Variants in PKD2 observed in about 807,000 individuals in gnomAD.
The protein encoded by PKD2 is polycystin-2.
Under a neutral mutation model 105.9 loss-of-function variants are expected in PKD2, and 48 were observed. The observed-to-expected ratio is 0.45, with a 90% CI of 0.36 to 0.58. PKD2 has a LOEUF of 0.58. PKD2 is among the 20% of genes least tolerant of loss of function. The probability of loss-of-function intolerance (pLI) is 0.00; values close to 1 mark genes in which losing one functional copy is unlikely to be tolerated. For missense variants in PKD2, 1,078 were observed against 1,255.3 expected (o/e 0.86, Z 2.13); for synonymous variants, 464 against 481.1 (o/e 0.96, Z 0.46).
intron 13 of PKD2, 35 bp downstream of exon 13, chr4:88,068,096 C>T: frequency 6.5e-7 from 1 of 1,543,882 alleles, no homozygotes; most frequent in Non-Finnish European, 9.0e-7. Flanking sequence ...TTTGCGTTGA[C>T]AAGAGTCCAC....
At chr4:88,050,438 A>T (rs1720025487) in intron 6 of PKD2, among the ~76,000 whole-genome samples, 1 of 152,180 alleles carries the variant, frequency 6.6e-6, no homozygotes, top group South Asian at 2.1e-4. Flanking sequence ...TGAGAATCCC[A>T]CAGAAAACTC....
chr4:88,052,466 CATT>C (rs1257013605), intron 7 of PKD2, among the ~76,000 whole-genome samples: 1 of 152,098 alleles, frequency 6.6e-6, no homozygotes, highest in Non-Finnish European at 1.5e-5. Context: ...GACAAGGTCT[CATT>C]ATGTTGCCCA....
At position 88,064,849 on chromosome 4, in the gene PKD2, G is replaced by A. The variant is rs140465648; in HGVS notation, c.2119-525G>A. Among the ~76,000 whole-genome samples, 186 of 152,162 alleles carry A rather than the reference G, an allele frequency of 1.2e-3. 1 individual carries two copies. Among genetic ancestry groups the A allele is most frequent in the African/African-American group, 3.9e-3 (164 of 41,520 alleles). On this transcript the variant is annotated intron_variant, in intron 10 of 14. Transcript: ENST00000237596. ...CGAGGCTGCAGTGAGCCAGAATCAC[G>A]CCACTGCCCTTCTGCCTGGGTGACA...
chr4:88,015,294 G>A (rs979992605), intron 1 of PKD2, among the ~76,000 whole-genome samples: 2 of 152,190 alleles, frequency 1.3e-5, no homozygotes, highest in Non-Finnish European at 2.9e-5. Context: ...CATCAGATGG[G>A]TGAGGATGTA....
chr4:88,057,299 T>G lies in PKD2; in HGVS notation c.1899-684T>G, dbSNP rs558478995. Among the ~76,000 whole-genome samples the G allele has an allele frequency of 5.3e-3, 814 of 152,182 alleles. 1 individual carries two copies. The highest frequency in any genetic ancestry group is 9.4e-3 in the Non-Finnish European group (638 of 67,980). ...AGCCACCACACCAGGCCCTGTTGTTTTTTTTTTAAAGAAATTTTTAACTTT... is the reference window on the plus strand; with the variant it reads ...AGCCACCACACCAGGCCCTGTTGTTGTTTTTTTAAAGAAATTTTTAACTTT... On this transcript the variant is annotated intron_variant, in intron 8 of 14. Transcript: ENST00000237596.
At chr4:88,042,057 T>C (rs1553925755) in intron 4 of PKD2, among the ~76,000 whole-genome samples, 1 of 152,206 alleles carries the variant, frequency 6.6e-6, no homozygotes, top group Non-Finnish European at 1.5e-5. Context: ...TTCTTTATCT[T>C]ATGGGAGCCA....
intron 3 of PKD2, among the ~76,000 whole-genome samples, chr4:88,036,999 C>A (rs771896496): frequency 2.7e-4 from 41 of 152,102 alleles, no homozygotes; most frequent in Non-Finnish European, 4.9e-4. Flanking sequence ...GAGGCCAAGG[C>A]AGGAGGATTG....
chr4:88,039,571 A>C (rs1727477312), intron 4 of PKD2, among the ~76,000 whole-genome samples: 1 of 151,112 alleles, frequency 6.6e-6, no homozygotes, highest in Non-Finnish European at 1.5e-5. Context: ...AGGCTGAGGC[A>C]GGAGAATTGC....
intron 2 of PKD2, chr4:88,035,971 T>C: frequency 1.9e-6 from 1 of 529,478 alleles, no homozygotes; most frequent in Non-Finnish European, 3.4e-6. Flanking sequence ...CTTACATTGA[T>C]ACTCAATAGT....
At chr4:88,065,349 C>G in intron 10 of PKD2, 25 bp from the exon 11 acceptor site, 7 of 1,606,252 alleles carry the variant, frequency 4.4e-6, no homozygotes, top group Non-Finnish European at 6.0e-6. Context: ...TAAACCAAGT[C>G]TTTTATTTTT....
At chr4:88,035,838 T>C (rs1349423227) in intron 2 of PKD2, among the ~76,000 whole-genome samples, 1 of 152,072 alleles carries the variant, frequency 6.6e-6, no homozygotes, top group East Asian at 1.9e-4. Flanking sequence ...GCCCAGCATA[T>C]AGCTGTGTTG....
At chr4:88,050,480 A>T (rs1018245138) in intron 6 of PKD2, among the ~76,000 whole-genome samples, 10 of 152,120 alleles carry the variant, frequency 6.6e-5, no homozygotes, top group Non-Finnish European at 1.5e-4. Context: ...ATGCTCACAA[A>T]ATCTCTTTCC....
In PKD2 at chr4:88,038,414, A is replaced by G. The variant is rs970112333; in HGVS notation, c.1007A>G (p.Asp336Gly). 6.2e-7 allele frequency: 1 copy of G among 1,613,440 alleles called. No individual in the cohort carries two copies. The highest frequency in any genetic ancestry group is 1.3e-5 in the African/African-American group (1 of 74,878). Residue 336 changes from aspartate to glycine, a missense_variant, in exon 4 of 15, where the codon GAC becomes GGC. Physicochemically the swap from Asp to Gly is moderately conservative, Grantham distance 94. This residue lies in a region of PKD2 where 868 missense variants were observed against 1,067.3 expected (regional missense o/e 0.81). Coordinates refer to ENST00000237596, the MANE Select transcript of PKD2 (RefSeq NM_000297.4). ...AATGGATCCTGCTCTATCCCCCAGG[A>G]CTTGAGAGATGAAATTAAAGAGTGC... ...VRNGSCSIPQ[D>G]LRDEIKECYD...
At chr4:88,059,411 G>T (rs955509708) in intron 9 of PKD2, among the ~76,000 whole-genome samples, 1 of 152,096 alleles carries the variant, frequency 6.6e-6, no homozygotes, top group African/African-American at 2.4e-5. Context: ...TACTAAGAAG[G>T]CAAAAACCAG....
intron 4 of PKD2, 146 bp downstream of exon 4, chr4:88,038,647 C>A: frequency 1.2e-6 from 1 of 821,886 alleles, no homozygotes; most frequent in Non-Finnish European, 2.1e-6. Flanking sequence ...AAACCTTGGC[C>A]AACTTGACCT....
rs761987534 is a variant in PKD2, at chr4:88,075,637, A to G, written c.2850A>G (p.Gln950=). ...RPRSSRPSSS[Q]STEGMEGAGG... The stretch of plus-strand genomic sequence containing the variant: ...GAAGCTCCCGCCCATCTTCCTCCCA[A>G]TCTACAGAAGGCATGGAAGGTGCAG... Residue 950 remains glutamine, a synonymous_variant, in exon 15 of 15, where the codon CAA becomes CAG. Coordinates refer to ENST00000237596, the MANE Select transcript of PKD2 (RefSeq NM_000297.4). 1.5e-5 allele frequency: 25 copies of G among 1,614,028 alleles called. No individual in the cohort carries two copies. The highest frequency in any genetic ancestry group is 4.0e-5 in the African/African-American group (3 of 74,922).
chr4:88,014,079 A>G (rs2725230), intron 1 of PKD2, among the ~76,000 whole-genome samples: 122,113 of 152,068 alleles, frequency 0.8, 49,315 homozygotes, highest in African/African-American at 0.89. Flanking sequence ...GAACTAAGGC[A>G]TATGAGCTGG....
intron 2 of PKD2, among the ~76,000 whole-genome samples, chr4:88,025,142 AAAAAG>A (rs1173825436): frequency 6.6e-6 from 1 of 152,012 alleles, no homozygotes; most frequent in South Asian, 2.1e-4. Context: ...TCTGTCTCAG[AAAAAG>A]AAAAGAAAAG....
rs1194746584 is a variant in PKD2 at position 88,074,890 on chromosome 4, A to G, written c.2601A>G (p.Leu867=). 6.2e-7 allele frequency: 1 copy of G among 1,613,718 alleles called. No individual in the cohort carries two copies. Among genetic ancestry groups the G allele is most frequent in the Admixed American group, 1.7e-5 (1 of 60,024 alleles). Residue 867 remains leucine, a synonymous_variant, in exon 14 of 15, where the codon CTA becomes CTG. Coordinates refer to ENST00000237596, the MANE Select transcript of PKD2 (RefSeq NM_000297.4). ...VSKIDAVIVK[L]EIMERAKLKR... ...AGATTGACGCCGTGATCGTGAAGCT[A>G]GAGATTATGGAGCGAGCCAAACTGA... is the stretch of plus-strand genomic sequence containing the variant.
Sources: gnomAD v4.1 joint callset for allele counts (sites outside exome capture counted in the v4.1 genomes callset) on GRCh38, gnomAD v4.1.1 for gene constraint, gnomAD v4.1.1 regional missense constraint, MANE v1.5 for transcripts, NCBI Gene and HGNC (gene_info 2026-07-23, HGNC 2026-07-21) for gene names.